EEFSEC: variants seen among roughly 807,000 people sequenced by gnomAD.
The protein encoded by EEFSEC is eukaryotic elongation factor, selenocysteine-tRNA specific.
In EEFSEC, 43 loss-of-function variants were observed where a neutral mutation model predicts 42.1. That is an observed-to-expected ratio of 1.02 (90% CI 0.80 to 1.32). The LOEUF (loss-of-function observed/expected upper bound fraction) is 1.32. EEFSEC is among the 40% of genes most tolerant of loss of function. The pLI, the probability that EEFSEC is intolerant of heterozygous loss-of-function variation, is 0.00. For missense variants in EEFSEC, 745 were observed against 803.6 expected (o/e 0.93, Z 0.88); for synonymous variants, 354 against 339.1 (o/e 1.04, Z -0.48).
chr3:128,268,111 G>C (rs1342363754), intron 4 of EEFSEC, among the ~76,000 whole-genome samples: 2 of 152,258 alleles, frequency 1.3e-5, no homozygotes, highest in Non-Finnish European at 2.9e-5. Context: ...ACAGAGGTCA[G>C]TCTCAGGTAT....
chr3:128,384,523 CA>C (rs1476419716), intron 6 of EEFSEC, among the ~76,000 whole-genome samples: 1 of 152,208 alleles, frequency 6.6e-6, no homozygotes, highest in African/African-American at 2.4e-5. Context: ...GGGGCCTTAC[CA>C]AAGCCCTGTA....
At chr3:128,330,499 T>TC (rs1420239076) in intron 4 of EEFSEC, among the ~76,000 whole-genome samples, 1 of 152,168 alleles carries the variant, frequency 6.6e-6, no homozygotes, top group Admixed American at 6.5e-5. Flanking sequence ...TTAAGGAGCG[T>TC]CCTGGTCTGC....
chr3:128,233,793 G>T (rs1247809285), intron 1 of EEFSEC, among the ~76,000 whole-genome samples: 1 of 152,098 alleles, frequency 6.6e-6, no homozygotes, highest in African/African-American at 2.4e-5. Flanking sequence ...GGAGGTTTGG[G>T]TTCTAATCCA....
the EEFSEC span, among the ~76,000 whole-genome samples, chr3:128,414,451 C>T: frequency 6.6e-6 from 1 of 152,198 alleles, no homozygotes; most frequent in Non-Finnish European, 1.5e-5. Flanking sequence ...GGAGCCAGGC[C>T]TTCCTCAGAG....
intron 4 of EEFSEC, among the ~76,000 whole-genome samples, chr3:128,287,467 G>A (rs2066598303): frequency 2.0e-5 from 3 of 152,188 alleles, no homozygotes; most frequent in Admixed American, 2.0e-4. Flanking sequence ...CTTCCTACTA[G>A]CCTTGGCTTC....
rs1472151984 is a variant in EEFSEC at position 128,153,800 on chromosome 3, C to A, written c.293C>A (p.Ser98Tyr). Residue 98 changes from serine (S) to tyrosine (Y), a missense_variant, in exon 1 of 7, where the codon TCC becomes TAC. By Grantham distance (144) the Ser-to-Tyr change is moderately radical. Coordinates refer to ENST00000254730, the MANE Select transcript of EEFSEC (RefSeq NM_021937.5). ...VTLVDCPGHASLIRTIIGGAQ... is the reference protein window; with the variant it reads ...VTLVDCPGHAYLIRTIIGGAQ... ...CTGGTCGACTGCCCCGGGCACGCCT[C>A]CCTCATCCGGACCATCATCGGCGGT... 3.2e-5 allele frequency: 49 copies of A among 1,521,594 alleles called. No individual in the cohort carries two copies. The highest frequency in any genetic ancestry group is 4.1e-5 in the Non-Finnish European group (47 of 1,140,842). 94.3% of individuals were successfully genotyped at this position (1,521,594 alleles called of 1,614,324 possible). A position where few individuals can be genotyped will look rare whatever the true frequency, so the allele number is the denominator to read the frequency against.
At chr3:128,190,887 C>T (rs148655992) in intron 1 of EEFSEC, among the ~76,000 whole-genome samples, 67 of 152,304 alleles carry the variant, frequency 4.4e-4, no homozygotes, top group Admixed American at 4.0e-3. Flanking sequence ...GTATTTAGTA[C>T]AGTCACCTGC....
At chr3:128,366,554 C>G (rs1402121349) in intron 6 of EEFSEC, among the ~76,000 whole-genome samples, 1 of 152,220 alleles carries the variant, frequency 6.6e-6, no homozygotes, top group African/African-American at 2.4e-5. Context: ...GGAGCAGGAG[C>G]TGGGGTCCTG....
At chr3:128,234,795 G>T (rs1326397661) in intron 1 of EEFSEC, among the ~76,000 whole-genome samples, 1 of 152,316 alleles carries the variant, frequency 6.6e-6, no homozygotes, top group East Asian at 1.9e-4. Context: ...ATGGTGTTAA[G>T]GGACGTCGAT....
intron 1 of EEFSEC, among the ~76,000 whole-genome samples, chr3:128,198,700 TGG>T (rs1408603441): frequency 1.3e-5 from 2 of 152,190 alleles, no homozygotes. Flanking sequence ...AGAGTGTTGC[TGG>T]CACCTTTCTG....
At chr3:128,176,374 A>C (rs978943950) in intron 1 of EEFSEC, among the ~76,000 whole-genome samples, 2 of 152,112 alleles carry the variant, frequency 1.3e-5, no homozygotes, top group African/African-American at 2.4e-5. Flanking sequence ...GTGCAGTTAG[A>C]GTTAAGACAA....
chr3:128,425,504 A>G, the EEFSEC span, among the ~76,000 whole-genome samples: 4 of 152,228 alleles, frequency 2.6e-5, no homozygotes, highest in African/African-American at 9.6e-5. Flanking sequence ...CTTCTCTCCC[A>G]TAAGTAAACA....
At position 128,246,946 on chromosome 3, in the gene EEFSEC, G is replaced by C. The variant is rs368860399; in HGVS notation, c.427G>C (p.Val143Leu). Reference protein sequence around the residue: ...IGQIACQKLVVVLNKIDLLPE... With the variant: ...IGQIACQKLVLVLNKIDLLPE... ...CCAGATTGCCTGCCAGAAGCTGGTC[G>C]TGGTGCTGAACAAAATAGACCTCTT... Residue 143 changes from valine (V) to leucine (L), a missense_variant, in exon 2 of 7, where the codon GTG becomes CTG. Physicochemically the swap from Val to Leu is conservative, Grantham distance 32. Coordinates refer to ENST00000254730, the MANE Select transcript of EEFSEC (RefSeq NM_021937.5). 1 of 1,614,192 alleles carries C rather than the reference G, an allele frequency of 6.2e-7. No individual in the cohort carries two copies. Among genetic ancestry groups the C allele is most frequent in the Non-Finnish European group, 8.5e-7 (1 of 1,180,036 alleles).
chr3:128,200,101 C>T (rs1323113406), intron 1 of EEFSEC, among the ~76,000 whole-genome samples: 5 of 152,046 alleles, frequency 3.3e-5, no homozygotes, highest in African/African-American at 9.7e-5. Context: ...CTCAGGGCTA[C>T]GTTTATCTTA....
chr3:128,172,488 A>G (rs928445038), intron 1 of EEFSEC, among the ~76,000 whole-genome samples: 7 of 152,210 alleles, frequency 4.6e-5, no homozygotes, highest in African/African-American at 1.4e-4. Context: ...TTGTAGAGCC[A>G]AGCGCTTGCT....
At chr3:128,189,419 G>A (rs185453185) in intron 1 of EEFSEC, among the ~76,000 whole-genome samples, 34 of 152,272 alleles carry the variant, frequency 2.2e-4, no homozygotes, top group Non-Finnish European at 8.8e-5. Flanking sequence ...GGTGATGCTG[G>A]TGTAACCAAA....
chr3:128,172,886 A>G (rs370897921), intron 1 of EEFSEC, among the ~76,000 whole-genome samples: 1 of 152,252 alleles, frequency 6.6e-6, no homozygotes, highest in Non-Finnish European at 1.5e-5. Context: ...TCCGAGGCTT[A>G]GCCCTGTATG....
chr3:128,345,760 T>C (rs1225989642), intron 5 of EEFSEC, among the ~76,000 whole-genome samples: 2 of 152,250 alleles, frequency 1.3e-5, no homozygotes, highest in Non-Finnish European at 2.9e-5. Flanking sequence ...ACCCTGGCAC[T>C]ATACCTATGT....
intron 4 of EEFSEC, among the ~76,000 whole-genome samples, chr3:128,273,505 C>T (rs533777636): frequency 6.6e-6 from 1 of 152,220 alleles, no homozygotes; most frequent in Non-Finnish European, 1.5e-5. Context: ...AACCCCCAAA[C>T]CCCAAGTGAA....
Sources: allele counts gnomAD v4.1 joint callset (sites outside exome capture counted in the v4.1 genomes callset), GRCh38; gene constraint gnomAD v4.1.1; transcripts MANE v1.5; gene names NCBI Gene and HGNC (gene_info 2026-07-23, HGNC 2026-07-21).